The following ADGRL3 variants were observed in gnomAD, a reference collection of about 807,000 sequenced individuals.
The protein encoded by ADGRL3 is calcium-independent alpha-latrotoxin receptor 3.
Under a neutral mutation model 153.5 loss-of-function variants are expected in ADGRL3, and 62 were observed. The ratio of observed to expected loss-of-function variants is 0.40; its 90% CI spans 0.33 to 0.50. The LOEUF is 0.50. Ranked by LOEUF, ADGRL3 falls within the 20% of genes least tolerant of loss-of-function variation. The probability of loss-of-function intolerance (pLI) is 0.47; values close to 1 mark genes in which losing one functional copy is unlikely to be tolerated. For synonymous variants in ADGRL3, 710 were observed against 672.5 expected, an observed-to-expected ratio of 1.06 and a Z score of -0.86; for missense variants, 1,641 against 1,859.4, an observed-to-expected ratio of 0.88 and a Z score of 2.16.
At chr4:61,331,518 A>G (rs1023219498) in intron 1 of ADGRL3, among the ~76,000 whole-genome samples, 2 of 152,070 alleles carry the variant, frequency 1.3e-5, no homozygotes, top group Non-Finnish European at 2.9e-5. Flanking sequence ...TACATTTTCT[A>G]TTATCATGTT....
At chr4:61,523,319 C>A (rs900666282) in intron 4 of ADGRL3, among the ~76,000 whole-genome samples, 5 of 152,094 alleles carry the variant, frequency 3.3e-5, no homozygotes, top group Non-Finnish European at 5.9e-5. Context: ...AAAACTCTTA[C>A]AAGTTCAGCC....
At chr4:61,256,345 G>A (rs2091965427) in intron 1 of ADGRL3, among the ~76,000 whole-genome samples, 2 of 151,974 alleles carry the variant, frequency 1.3e-5, no homozygotes, top group African/African-American at 4.8e-5. Context: ...TTTAAGTATT[G>A]ATTTAAACTG....
chr4:62,044,620 T>A, intron 25 of ADGRL3, 71 bp downstream of exon 25: 2 of 1,016,450 alleles, frequency 2.0e-6, no homozygotes, highest in East Asian at 5.3e-5. Flanking sequence ...TTCATTGCTT[T>A]ATTTGCAACT....
intron 6 of ADGRL3, among the ~76,000 whole-genome samples, chr4:61,699,934 A>G (rs919648406): frequency 3.3e-5 from 5 of 151,850 alleles, no homozygotes; most frequent in Admixed American, 6.6e-5. Flanking sequence ...TCTGTGATCA[A>G]ATAACAAGGA....
At chr4:61,817,853 A>G (rs989937423) in intron 9 of ADGRL3, among the ~76,000 whole-genome samples, 4 of 152,154 alleles carry the variant, frequency 2.6e-5, no homozygotes, top group Non-Finnish European at 4.4e-5. Flanking sequence ...TACCATGAGA[A>G]CAGTATGGGG....
intron 25 of ADGRL3, among the ~76,000 whole-genome samples, chr4:62,057,923 C>T (rs1737952836): frequency 6.6e-6 from 1 of 152,160 alleles, no homozygotes; most frequent in African/African-American, 2.4e-5. Flanking sequence ...AAGTAATCCA[C>T]CCACTTCAGC....
chr4:61,504,652 C>T (rs2152840056), intron 3 of ADGRL3, among the ~76,000 whole-genome samples: 1 of 152,228 alleles, frequency 6.6e-6, no homozygotes, highest in East Asian at 1.9e-4. Context: ...CTTCATCTTT[C>T]TCCTCTCCAC....
chr4:61,392,422 C>T (rs1578608343), intron 2 of ADGRL3, among the ~76,000 whole-genome samples: 1 of 151,038 alleles, frequency 6.6e-6, no homozygotes, highest in Non-Finnish European at 1.5e-5. Context: ...TGCGGTGGCT[C>T]ACGCCTGTAA....
intron 3 of ADGRL3, among the ~76,000 whole-genome samples, chr4:61,510,177 A>G (rs984016829): frequency 6.6e-6 from 1 of 152,156 alleles, no homozygotes; most frequent in Non-Finnish European, 1.5e-5. Context: ...TCAGATGCAT[A>G]GTTTGCAAAT....
At chr4:61,730,221 A>G (rs949637627) in intron 6 of ADGRL3, among the ~76,000 whole-genome samples, 3 of 151,918 alleles carry the variant, frequency 2.0e-5, no homozygotes, top group Non-Finnish European at 4.4e-5. Flanking sequence ...TAGTGGTATA[A>G]ACTATAATAT....
intron 1 of ADGRL3, among the ~76,000 whole-genome samples, chr4:61,278,349 T>A (rs1022881739): frequency 2.5e-4 from 38 of 152,180 alleles, no homozygotes; most frequent in African/African-American, 9.2e-4. Context: ...GCAAAAATAA[T>A]TAATGAGCTA....
chr4:62,042,464 T>A (rs749957747), intron 24 of ADGRL3, among the ~76,000 whole-genome samples: 1 of 151,870 alleles, frequency 6.6e-6, no homozygotes, highest in East Asian at 1.9e-4. Context: ...TACCTGTATC[T>A]GGAGAAGAGC....
intron 2 of ADGRL3, among the ~76,000 whole-genome samples, chr4:61,426,158 T>C (rs969241045): frequency 3.9e-5 from 6 of 152,254 alleles, no homozygotes; most frequent in African/African-American, 1.4e-4. Flanking sequence ...TCTTGCCACA[T>C]GGCGTGGCTC....
chr4:61,514,354 G>A (rs1175220718), intron 3 of ADGRL3, among the ~76,000 whole-genome samples: 1 of 152,148 alleles, frequency 6.6e-6, no homozygotes, highest in African/African-American at 2.4e-5. Flanking sequence ...TAAGATTCGT[G>A]TTTCTAATGG....
chr4:61,580,243 T>A, intron 4 of ADGRL3, among the ~76,000 whole-genome samples: 1 of 152,078 alleles, frequency 6.6e-6, no homozygotes, highest in East Asian at 1.9e-4. Context: ...TCAAATCTGT[T>A]TCATTTTTAT....
chr4:61,277,294 ATTTTTAG>A (rs2149904922), intron 1 of ADGRL3, among the ~76,000 whole-genome samples: 1 of 152,226 alleles, frequency 6.6e-6, no homozygotes, highest in African/African-American at 2.4e-5. Context: ...TATGAATGCG[ATTTTTAG>A]AACGGTGCAT....
chr4:61,361,808 G>T (rs2096286112), intron 1 of ADGRL3, among the ~76,000 whole-genome samples: 1 of 151,878 alleles, frequency 6.6e-6, no homozygotes, highest in Non-Finnish European at 1.5e-5. Flanking sequence ...AGTTTAAAAT[G>T]TTAATATCAC....
chr4:61,595,114 C>A (rs2098983661), intron 5 of ADGRL3, among the ~76,000 whole-genome samples: 2 of 152,182 alleles, frequency 1.3e-5, no homozygotes, highest in African/African-American at 4.8e-5. Flanking sequence ...GTCTAAGAGC[C>A]TAGACCTCGA....
At chr4:61,628,850 A>G (rs2092987548) in intron 5 of ADGRL3, among the ~76,000 whole-genome samples, 1 of 152,186 alleles carries the variant, frequency 6.6e-6, no homozygotes. Context: ...AGAAAATAAA[A>G]TTGGACTTTG....
Sources: allele counts gnomAD v4.1 joint callset (sites outside exome capture counted in the v4.1 genomes callset), GRCh38; gene constraint gnomAD v4.1.1; transcripts MANE v1.5; gene names NCBI Gene and HGNC (gene_info 2026-07-23, HGNC 2026-07-21).